Variants in CNTNAP5 observed in about 807,000 individuals in gnomAD.
CNTNAP5 encodes the protein contactin associated protein family member 5, also known as contactin-associated protein-like 5.
A neutral mutation model predicts 150.2 loss-of-function variants in CNTNAP5; 72 were observed. The ratio of observed to expected loss-of-function variants is 0.48; its 90% confidence interval spans 0.40 to 0.58. The LOEUF is 0.58. CNTNAP5 is among the 20% of genes least tolerant of loss of function. CNTNAP5 has a pLI of 0.00. For synonymous variants in CNTNAP5, 672 were observed against 619.8 expected, an observed-to-expected ratio of 1.08 and a Z score of -1.25; for missense variants, 1,636 against 1,626.2, an observed-to-expected ratio of 1.01 and a Z score of -0.10.
intron 19 of CNTNAP5, among the ~76,000 whole-genome samples, chr2:124,813,501 C>T (rs1039962521): frequency 3.3e-5 from 5 of 151,740 alleles, no homozygotes; most frequent in African/African-American, 9.7e-5. Context: ...AATCTATATG[C>T]CTAGCTTGGG....
chr2:124,136,021 G>A (rs898282637), intron 1 of CNTNAP5, among the ~76,000 whole-genome samples: 8 of 152,166 alleles, frequency 5.3e-5, no homozygotes, highest in African/African-American at 1.9e-4. Context: ...CAGCAGATGA[G>A]GAATGTTGAA....
chr2:124,362,277 G>A (rs375629098), intron 3 of CNTNAP5, among the ~76,000 whole-genome samples: 38 of 152,186 alleles, frequency 2.5e-4, no homozygotes, highest in South Asian at 4.1e-4. Context: ...CTTCTGCGTC[G>A]CTCACGCTGG....
At chr2:124,485,758 A>G (rs1448936061) in intron 7 of CNTNAP5, among the ~76,000 whole-genome samples, 1 of 152,040 alleles carries the variant, frequency 6.6e-6, no homozygotes, top group African/African-American at 2.4e-5. Flanking sequence ...GGGGTCAACC[A>G]TGCAGATTCC....
At chr2:124,637,676 C>T (rs892365230) in intron 12 of CNTNAP5, among the ~76,000 whole-genome samples, 10 of 152,120 alleles carry the variant, frequency 6.6e-5, no homozygotes, top group African/African-American at 2.4e-4. Flanking sequence ...GAATCTGTGA[C>T]GTGTTGCTTT....
At chr2:124,443,637 G>A (rs1262377732) in intron 5 of CNTNAP5, among the ~76,000 whole-genome samples, 1 of 151,988 alleles carries the variant, frequency 6.6e-6, no homozygotes, top group Admixed American at 6.6e-5. Context: ...AATAAAATCA[G>A]TTTGACTGAT....
chr2:124,224,440 G>T (rs1573849110), intron 2 of CNTNAP5, among the ~76,000 whole-genome samples: 1 of 151,792 alleles, frequency 6.6e-6, no homozygotes, highest in Non-Finnish European at 1.5e-5. Flanking sequence ...AGTATGTCCA[G>T]ATATGTATTT....
At chr2:124,506,324 G>A (rs1694406124) in intron 8 of CNTNAP5, among the ~76,000 whole-genome samples, 1 of 152,158 alleles carries the variant, frequency 6.6e-6, no homozygotes, top group African/African-American at 2.4e-5. Flanking sequence ...AATGGGTGAG[G>A]CAGGTAGTCA....
At chr2:124,664,670 G>C (rs1223548594) in intron 13 of CNTNAP5, among the ~76,000 whole-genome samples, 1 of 152,162 alleles carries the variant, frequency 6.6e-6, no homozygotes, top group Admixed American at 6.5e-5. Context: ...GCAATCCGCA[G>C]GGGACAAAGA....
At chr2:124,143,856 C>T (rs1229021680) in intron 1 of CNTNAP5, among the ~76,000 whole-genome samples, 6 of 59,510 alleles carry the variant, frequency 1.0e-4, no homozygotes, top group African/African-American at 3.1e-4. Context: ...CAAATTGTCC[C>T]TGTTTGCAGA....
At chr2:124,691,003 CA>C (rs989321044) in intron 13 of CNTNAP5, among the ~76,000 whole-genome samples, 2 of 152,062 alleles carry the variant, frequency 1.3e-5, no homozygotes, top group Non-Finnish European at 2.9e-5. Context: ...TACTTTTACA[CA>C]ATACAGAAGC....
intron 1 of CNTNAP5, among the ~76,000 whole-genome samples, chr2:124,167,259 T>A (rs547110260): frequency 6.6e-6 from 1 of 152,308 alleles, no homozygotes; most frequent in Admixed American, 6.5e-5. Flanking sequence ...ACATGTTGCT[T>A]CTGCTCCTCA....
intron 3 of CNTNAP5, among the ~76,000 whole-genome samples, chr2:124,396,270 T>C (rs1333749834): frequency 6.6e-6 from 1 of 152,192 alleles, no homozygotes; most frequent in Admixed American, 6.5e-5. Context: ...TGAAGCAAAG[T>C]ATAAACAGGG....
In CNTNAP5 at chr2:124,183,077, G is replaced by A. The variant is rs1437190480; in HGVS notation, c.83-38628G>A. Among the ~76,000 whole-genome samples the A allele has an allele frequency of 2.6e-5, 4 of 152,052 alleles. No individual in the cohort carries two copies. In the South Asian group the frequency reaches 6.2e-4, roughly 24 times the overall value. ...AATTTGTACCAACCCTTTATATTTG[G>A]TGAAGATATCACTTTTATCAGGAAG... On this transcript the variant is annotated intron_variant, in intron 1 of 23. Coordinates refer to ENST00000682447, the MANE Select transcript of CNTNAP5 (RefSeq NM_001367498.1).
chr2:124,622,024 C>T (rs556017280), intron 12 of CNTNAP5, among the ~76,000 whole-genome samples: 4 of 151,936 alleles, frequency 2.6e-5, no homozygotes, highest in South Asian at 2.1e-4. Flanking sequence ...CATAGGTAAA[C>T]GTGTGCCGTG....
At chr2:124,136,302 A>T (rs1004062232) in intron 1 of CNTNAP5, among the ~76,000 whole-genome samples, 1 of 152,202 alleles carries the variant, frequency 6.6e-6, no homozygotes, top group Non-Finnish European at 1.5e-5. Context: ...AAATATGAGA[A>T]GAATAACTAA....
intron 19 of CNTNAP5, among the ~76,000 whole-genome samples, chr2:124,854,184 G>A (rs1044712927): frequency 3.9e-5 from 6 of 152,048 alleles, no homozygotes; most frequent in East Asian, 1.9e-4. Context: ...CATGTATTCC[G>A]TAGCACTGAT....
intron 3 of CNTNAP5, among the ~76,000 whole-genome samples, chr2:124,298,108 T>A (rs906105243): frequency 7.2e-5 from 11 of 152,038 alleles, no homozygotes; most frequent in Non-Finnish European, 1.6e-4. Flanking sequence ...CTCCCACATA[T>A]CCAATTATTT....
At chr2:124,422,820 A>G (rs2104782957) in intron 4 of CNTNAP5, among the ~76,000 whole-genome samples, 1 of 152,220 alleles carries the variant, frequency 6.6e-6, no homozygotes, top group Middle Eastern at 3.4e-3. Flanking sequence ...TGGGACATAT[A>G]TGCTTTTAAC....
At chr2:124,730,931 C>T (rs557476108) in intron 13 of CNTNAP5, among the ~76,000 whole-genome samples, 10 of 152,144 alleles carry the variant, frequency 6.6e-5, no homozygotes, top group African/African-American at 1.4e-4. Flanking sequence ...TTATTACTAT[C>T]GTTATGCTGA....
Sources: gnomAD v4.1 joint callset for allele counts (sites outside exome capture counted in the v4.1 genomes callset) on GRCh38, gnomAD v4.1.1 for gene constraint, MANE v1.5 for transcripts, NCBI Gene and HGNC (gene_info 2026-07-23, HGNC 2026-07-21) for gene names.